TCF12: variants seen among roughly 807,000 people sequenced by gnomAD.
The protein encoded by TCF12 is DNA-binding protein HTF4.
Under a neutral mutation model 86.0 loss-of-function variants are expected in TCF12, and 45 were observed. That is an observed-to-expected ratio of 0.52 (90% CI 0.41 to 0.67). TCF12 has a LOEUF of 0.67. TCF12 is among the 30% of genes least tolerant of loss of function. TCF12 has a pLI of 0.00. For synonymous variants in TCF12, 330 were observed against 299.6 expected, an observed-to-expected ratio of 1.10 and a Z score of -1.05; for missense variants, 881 against 859.9, an observed-to-expected ratio of 1.02 and a Z score of -0.31.
At chr15:57,007,276 A>G (rs544031552) in intron 3 of TCF12, among the ~76,000 whole-genome samples, 3 of 152,232 alleles carry the variant, frequency 2.0e-5, no homozygotes, top group African/African-American at 7.2e-5. Flanking sequence ...AAATGTTTTC[A>G]GAAAGGCAAG....
chr15:57,260,678 A>G (rs745945928), intron 16 of TCF12, among the ~76,000 whole-genome samples: 2 of 152,112 alleles, frequency 1.3e-5, no homozygotes, highest in Non-Finnish European at 2.9e-5. Flanking sequence ...GAGTAGGCCT[A>G]ATCTTCCAAG....
intron 16 of TCF12, among the ~76,000 whole-genome samples, chr15:57,256,499 A>T (rs1489195845): frequency 2.0e-5 from 3 of 152,038 alleles, no homozygotes; most frequent in Non-Finnish European, 4.4e-5. Flanking sequence ...CCTCCTAACT[A>T]ATCATGACTA....
intron 3 of TCF12, among the ~76,000 whole-genome samples, chr15:56,965,220 A>G (rs978759840): frequency 2.0e-5 from 3 of 152,296 alleles, no homozygotes; most frequent in Non-Finnish European, 4.4e-5. Context: ...GAATCTATGT[A>G]TTAATTATAT....
intron 5 of TCF12, among the ~76,000 whole-genome samples, chr15:57,116,955 G>T (rs2050878818): frequency 6.6e-6 from 1 of 151,846 alleles, no homozygotes; most frequent in South Asian, 2.1e-4. Flanking sequence ...AATACTAAAG[G>T]TTTCCAGATT....
Position 57,013,940 on chromosome 15 carries a change from T to A in TCF12, c.149-49810T>A, listed in dbSNP as rs558963451. ...TGGATACTTGCTTTCATCTCTTTTT[T>A]AAAAAAAAATGCTAAGGTGCAAGAT... is the stretch of plus-strand genomic sequence containing the variant. On this transcript the variant is annotated intron_variant, in intron 3 of 20. Transcript: ENST00000333725. Among the ~76,000 whole-genome samples the A allele has an allele frequency of 2.6e-4, 40 of 151,736 alleles. No homozygotes were observed. The South Asian group carries it at 2.7e-3, about 10-fold the overall frequency.
chr15:57,024,061 AG>A (rs1459776924), intron 3 of TCF12, among the ~76,000 whole-genome samples: 3 of 152,142 alleles, frequency 2.0e-5, no homozygotes, highest in Non-Finnish European at 4.4e-5. Context: ...GGTTCCTAAT[AG>A]GCCACATATT....
At chr15:57,197,457 C>T (rs908626393) in intron 7 of TCF12, among the ~76,000 whole-genome samples, 8 of 152,136 alleles carry the variant, frequency 5.3e-5, no homozygotes, top group East Asian at 3.8e-4. Context: ...CACATCCGGC[C>T]GAACAGTTTC....
chr15:57,065,547 CTTG>C (rs372519432), intron 4 of TCF12, among the ~76,000 whole-genome samples: 1 of 152,026 alleles, frequency 6.6e-6, no homozygotes, highest in Non-Finnish European at 1.5e-5. Context: ...TTTGTAATAA[CTTG>C]TTATCTCTTA....
intron 3 of TCF12, among the ~76,000 whole-genome samples, chr15:57,000,569 C>T (rs1170247559): frequency 1.3e-5 from 2 of 151,964 alleles, no homozygotes; most frequent in Non-Finnish European, 2.9e-5. Context: ...GAGCTTCCAC[C>T]TTAGGAAGCT....
At chr15:57,017,781 C>T (rs2065240580) in intron 3 of TCF12, among the ~76,000 whole-genome samples, 1 of 139,144 alleles carries the variant, frequency 7.2e-6, no homozygotes, top group Non-Finnish European at 1.5e-5. Flanking sequence ...TTTAAAAAGT[C>T]ATACCTTGCA....
intron 5 of TCF12, among the ~76,000 whole-genome samples, chr15:57,140,649 A>G (rs1353493293): frequency 6.6e-6 from 1 of 152,198 alleles, no homozygotes; most frequent in Non-Finnish European, 1.5e-5. Flanking sequence ...TTAACTATTT[A>G]TTTGGGACAC....
chr15:57,165,134 C>CTGTGTGTG lies in TCF12; in HGVS notation c.326-1245_326-1238dup, dbSNP rs10651646. Among the ~76,000 whole-genome samples the CTGTGTGTG allele has an allele frequency of 4.4e-3, 647 of 147,202 alleles. 1 individual carries two copies. The highest frequency in any genetic ancestry group is 6.2e-3 in the Non-Finnish European group (410 of 66,546). ...GTGTCTATCCTGAAGGAATGTATGT[C>CTGTGTGTG]TGTGTGTGTGTGTGTGTGTGTGTGT... On this transcript the variant is annotated intron_variant, in intron 5 of 20. Coordinates refer to ENST00000333725, the MANE Select transcript of TCF12 (RefSeq NM_207037.2).
chr15:57,264,819 T>G lies in TCF12; in HGVS notation c.1745+1545T>G, dbSNP rs376250157. Among the ~76,000 whole-genome samples the G allele has an allele frequency of 2.2e-4, 33 of 152,188 alleles. No individual in the cohort carries two copies. The East Asian group carries it at 6.4e-3, about 30-fold the overall frequency. ...ATCTTGGCTCATTGCAACCTCTGCC[T>G]CCCGGGTTCAAGCAGTTCTCTTGCC... On this transcript the variant is annotated intron_variant, in intron 18 of 20. Coordinates refer to ENST00000333725, the MANE Select transcript of TCF12 (RefSeq NM_207037.2).
At chr15:57,064,793 C>T (rs1275464916) in intron 4 of TCF12, among the ~76,000 whole-genome samples, 1 of 20,850 alleles carries the variant, frequency 4.8e-5, no homozygotes, top group Admixed American at 5.5e-4. Context: ...GAGACTCCAT[C>T]TCAAAAAAAA....
At chr15:57,195,746 A>G (rs1566898366) in intron 7 of TCF12, among the ~76,000 whole-genome samples, 1 of 152,212 alleles carries the variant, frequency 6.6e-6, no homozygotes, top group Admixed American at 6.5e-5. Context: ...GCTCATGCCT[A>G]TAATCCCAGC....
chr15:57,138,794 A>T (rs955713072), intron 5 of TCF12, among the ~76,000 whole-genome samples: 2 of 152,212 alleles, frequency 1.3e-5, no homozygotes, highest in African/African-American at 4.8e-5. Flanking sequence ...ATAAGCCATT[A>T]TGTAGTCATT....
intron 3 of TCF12, among the ~76,000 whole-genome samples, chr15:57,046,889 T>C (rs776962833): frequency 4.6e-5 from 7 of 152,214 alleles, no homozygotes; most frequent in Non-Finnish European, 1.0e-4. Context: ...TCTTCCCTCC[T>C]GAGGCAGCTC....
chr15:57,207,476 G>T (rs2057886951), intron 8 of TCF12, among the ~76,000 whole-genome samples: 1 of 152,164 alleles, frequency 6.6e-6, no homozygotes, highest in South Asian at 2.1e-4. Context: ...TTTGAGGCCA[G>T]TCTGACCAAC....
At chr15:56,919,669 G>A (rs2059683807) in intron 1 of TCF12, 1 of 363,462 alleles carries the variant, frequency 2.8e-6, no homozygotes, top group Non-Finnish European at 5.0e-6. Context: ...GAGCCGCCGC[G>A]TCGATCTCGG....
Sources: gnomAD v4.1 joint callset for allele counts (sites outside exome capture counted in the v4.1 genomes callset) on GRCh38, gnomAD v4.1.1 for gene constraint, MANE v1.5 for transcripts, NCBI Gene and HGNC (gene_info 2026-07-23, HGNC 2026-07-21) for gene names.